Variants in SMPD3 observed in about 807,000 individuals in gnomAD.
The protein encoded by SMPD3 is nSMase-2.
A neutral mutation model predicts 55.7 loss-of-function variants in SMPD3; 21 were observed. The ratio of observed to expected loss-of-function variants is 0.38; its 90% CI spans 0.27 to 0.54. SMPD3 has a LOEUF of 0.54. Among genes scored for constraint, SMPD3 ranks in the 20% least tolerant of loss-of-function variants. The pLI, the probability that SMPD3 is intolerant of heterozygous loss-of-function variation, is 0.80. For missense variants in SMPD3, 842 were observed against 899.6 expected, an observed-to-expected ratio of 0.94 and a Z score of 0.82; for synonymous variants, 457 against 404.3, an observed-to-expected ratio of 1.13 and a Z score of -1.56.
intron 2 of SMPD3, among the ~76,000 whole-genome samples, chr16:68,375,381 G>A (rs2089785928): frequency 6.6e-6 from 1 of 152,224 alleles, no homozygotes; most frequent in Admixed American, 6.5e-5. Flanking sequence ...TTTGGCAGAA[G>A]GATTCGGGAG....
chr16:68,393,263 G>T (rs59754996), intron 1 of SMPD3, among the ~76,000 whole-genome samples: 197 of 152,242 alleles, frequency 1.3e-3, no homozygotes, highest in African/African-American at 4.3e-3. Context: ...AAATTAGCTG[G>T]GTGTGGTGGT....
intron 1 of SMPD3, among the ~76,000 whole-genome samples, chr16:68,439,241 C>A (rs1188791534): frequency 6.6e-6 from 1 of 152,152 alleles, no homozygotes; most frequent in Non-Finnish European, 1.5e-5. Flanking sequence ...CATAGCTTTT[C>A]CACTGCCATA....
intron 1 of SMPD3, among the ~76,000 whole-genome samples, chr16:68,419,231 G>A (rs2090366270): frequency 6.6e-6 from 1 of 152,186 alleles, no homozygotes; most frequent in Non-Finnish European, 1.5e-5. Flanking sequence ...AGCAGCTATG[G>A]CCACCAATGA....
chr16:68,394,261 A>C (rs1011266325), intron 1 of SMPD3, among the ~76,000 whole-genome samples: 1 of 152,164 alleles, frequency 6.6e-6, no homozygotes, highest in Non-Finnish European at 1.5e-5. Context: ...TTTCCAAATC[A>C]GTTATTTTCT....
intron 6 of SMPD3, 39 bp from the exon 7 acceptor site, chr16:68,363,598 A>AGGG (rs1292506893): frequency 8.8e-6 from 14 of 1,598,252 alleles, no homozygotes; most frequent in African/African-American, 1.3e-5. Context: ...CGCTGCAGGC[A>AGGG]GGGCCCAGGC....
At chr16:68,370,715 T>C in intron 3 of SMPD3, 144 bp downstream of exon 3, 4 of 1,101,288 alleles carry the variant, frequency 3.6e-6, no homozygotes, top group South Asian at 1.6e-5. Flanking sequence ...GCTGTTTGGC[T>C]CCAGGAAAGA....
intron 2 of SMPD3, among the ~76,000 whole-genome samples, chr16:68,376,446 C>A (rs1451409450): frequency 6.6e-6 from 1 of 152,256 alleles, no homozygotes; most frequent in African/African-American, 2.4e-5. Context: ...GTAGAGTCCA[C>A]TGTGGGCCCC....
intron 1 of SMPD3, among the ~76,000 whole-genome samples, chr16:68,415,988 A>C (rs2090335892): frequency 6.6e-6 from 1 of 152,182 alleles, no homozygotes; most frequent in Non-Finnish European, 1.5e-5. Flanking sequence ...TTGATTATCC[A>C]TTAGGGTAGC....
chr16:68,443,118 C>T (rs985722087), intron 1 of SMPD3, among the ~76,000 whole-genome samples: 6 of 152,178 alleles, frequency 3.9e-5, no homozygotes, highest in South Asian at 4.1e-4. Context: ...TTCTCAGAAA[C>T]CGGCCCCTGT....
At chr16:68,382,517 A>G (rs1372525582) in intron 2 of SMPD3, among the ~76,000 whole-genome samples, 1 of 152,186 alleles carries the variant, frequency 6.6e-6, no homozygotes, top group African/African-American at 2.4e-5. Flanking sequence ...CTAGTTGTGT[A>G]TAGTTAAGGG....
At chr16:68,420,500 T>C (rs569654937) in intron 1 of SMPD3, among the ~76,000 whole-genome samples, 2 of 152,308 alleles carry the variant, frequency 1.3e-5, no homozygotes, top group Non-Finnish European at 1.5e-5. Flanking sequence ...CACCATTACC[T>C]GACAGTCCTC....
At chr16:68,418,543 A>G (rs2090357963) in intron 1 of SMPD3, among the ~76,000 whole-genome samples, 1 of 152,196 alleles carries the variant, frequency 6.6e-6, no homozygotes, top group African/African-American at 2.4e-5. Context: ...TGATAGGGAC[A>G]TATTCCCCAA....
At chr16:68,363,756 C>T (rs2089389340) in intron 6 of SMPD3, 21 bp downstream of exon 6, 6 of 1,552,062 alleles carry the variant, frequency 3.9e-6, no homozygotes, top group Admixed American at 1.9e-5. Context: ...CTCCCATCCT[C>T]CTCCCCCAGC....
intron 2 of SMPD3, among the ~76,000 whole-genome samples, chr16:68,373,229 C>T (rs751128919): frequency 9.9e-5 from 15 of 152,214 alleles, no homozygotes; most frequent in Non-Finnish European, 1.5e-4. Flanking sequence ...GACCCACAGC[C>T]ATCTGAATAA....
chr16:68,411,218 G>A (rs2090297531), intron 1 of SMPD3, among the ~76,000 whole-genome samples: 1 of 152,366 alleles, frequency 6.6e-6, no homozygotes, highest in East Asian at 1.9e-4. Flanking sequence ...GCCCAGGCCT[G>A]TTCTCCTGCC....
At chr16:68,435,481 ATT>A (rs34379714) in intron 1 of SMPD3, among the ~76,000 whole-genome samples, 13 of 150,350 alleles carry the variant, frequency 8.6e-5, no homozygotes, top group African/African-American at 3.0e-4. Context: ...ACACTCTGGC[ATT>A]TTTTTTTTCA....
At position 68,448,407 on chromosome 16, in the gene SMPD3, C is replaced by G. The variant is rs2152038364; in HGVS notation, c.-323G>C. The G allele has an allele frequency of 6.6e-6, 1 of 152,502 alleles. No homozygotes were observed. Among genetic ancestry groups the G allele is most frequent in the Admixed American group, 6.5e-5 (1 of 15,306 alleles). The allele number at this position is 152,502 out of a possible 1,614,324, so 9.4% of individuals were successfully genotyped here. ...GCCCGGCAGCGCACCCCGCTCCTCCCGGCTCCTCACAGCCCGGGCTCCCGG... is the reference window on the plus strand; with the variant it reads ...GCCCGGCAGCGCACCCCGCTCCTCCGGGCTCCTCACAGCCCGGGCTCCCGG... On this transcript the variant is annotated 5_prime_UTR_variant, in exon 1 of 9. Transcript: ENST00000219334.
Position 68,447,679 on chromosome 16 carries a change from A to T in SMPD3, c.-269+674T>A, listed in dbSNP as rs960067127. Among the ~76,000 whole-genome samples, 2 of 150,574 alleles carry T rather than the reference A, an allele frequency of 1.3e-5. No homozygotes were observed. The highest frequency in any genetic ancestry group is 3.0e-5 in the Non-Finnish European group (2 of 67,706). On this transcript the variant is annotated intron_variant, in intron 1 of 8. Coordinates refer to ENST00000219334, the MANE Select transcript of SMPD3 (RefSeq NM_018667.4). The surrounding 1 kb of genome is among the most constrained non-coding windows in gnomAD (Gnocchi z 5.1). ...AGGGGTCTCCCAGCGTTTCCCTGCC[A>T]CATTCCAATTCCACCCTTCACCAGT...
At chr16:68,440,752 T>C (rs1042847533) in intron 1 of SMPD3, among the ~76,000 whole-genome samples, 4 of 152,208 alleles carry the variant, frequency 2.6e-5, no homozygotes, top group South Asian at 2.1e-4. Flanking sequence ...TGGGTATGTC[T>C]GATTCCTGTC....
Sources: gnomAD v4.1 joint callset for allele counts (sites outside exome capture counted in the v4.1 genomes callset) on GRCh38, gnomAD v4.1.1 for gene constraint, Gnocchi (gnomAD v3.1) non-coding constraint, MANE v1.5 for transcripts, NCBI Gene and HGNC (gene_info 2026-07-23, HGNC 2026-07-21) for gene names.